Variants in ING5 observed in about 807,000 individuals in gnomAD.
ING5 encodes inhibitor of growth protein 5.
In ING5, 17 loss-of-function variants were observed where a neutral mutation model predicts 37.4. That is an observed-to-expected ratio of 0.45 (90% CI 0.31 to 0.68). The LOEUF is 0.68. Among genes scored for constraint, ING5 ranks in the 30% least tolerant of loss-of-function variants. ING5 has a pLI of 0.05. For missense variants in ING5, 233 were observed against 311.9 expected (o/e 0.75, Z 1.91); for synonymous variants, 123 against 116.6 (o/e 1.06, Z -0.36).
At chr2:241,720,146 C>T in intron 5 of ING5, 1 of 1,237,204 alleles carries the variant, frequency 8.1e-7, no homozygotes, top group Non-Finnish European at 1.0e-6. Flanking sequence ...GGACCCAAAG[C>T]CTGGCCTGCC....
At chr2:241,704,799 G>A (rs772406925) in intron 2 of ING5, 75 bp downstream of exon 2, 25 of 1,308,036 alleles carry the variant, frequency 1.9e-5, no homozygotes, top group African/African-American at 5.8e-5. Context: ...AAGGCTGGGG[G>A]CAGAGGGTTT....
Position 241,725,359 on chromosome 2 carries a change from C to A in ING5, c.*328C>A. 1 of 343,760 alleles carries A rather than the reference C, an allele frequency of 2.9e-6. No individual in the cohort carries two copies. Among genetic ancestry groups the A allele is most frequent in the East Asian group, 7.2e-5 (1 of 13,968 alleles). The allele number at this position is 343,760 out of a possible 1,614,324, so 21.3% of individuals were successfully genotyped here. A position where few individuals can be genotyped will look rare whatever the true frequency, so the allele number is the denominator to read the frequency against. ...CGGGCGGGGACATGGTAACCTGGTCCACGGAGGGCGGCCGCCACCCTCGCG... is the reference window on the plus strand; with the variant it reads ...CGGGCGGGGACATGGTAACCTGGTCAACGGAGGGCGGCCGCCACCCTCGCG... On this transcript the variant is annotated 3_prime_UTR_variant, in exon 8 of 8. Transcript: ENST00000313552.
chr2:241,720,858 C>G (rs963314987), intron 5 of ING5: 1 of 985,780 alleles, frequency 1.0e-6, no homozygotes, highest in African/African-American at 1.7e-5. Context: ...GCAGCACTCC[C>G]TGGCCACACG....
At chr2:241,692,095 A>G (rs2069565309) in intron 2 of ING5, among the ~76,000 whole-genome samples, 1 of 152,016 alleles carries the variant, frequency 6.6e-6, no homozygotes, top group Non-Finnish European at 1.5e-5. Context: ...AAAAACACAA[A>G]ATTAATCAAG....
In ING5 at chr2:241,711,985, G is replaced by T; in HGVS notation, c.396G>T (p.Arg132=). The T allele has an allele frequency of 6.2e-7, 1 of 1,604,404 alleles. No homozygotes were observed. Among genetic ancestry groups the T allele is most frequent in the Non-Finnish European group, 8.5e-7 (1 of 1,176,420 alleles). The change falls in exon 5 of 8, where the codon CGG becomes CGT. Residue 132 remains arginine (R), a synonymous_variant. Transcript: ENST00000313552. ...SSGGRGLKKG[R]GQKEKRGSRG... ...ATCTTGATTATTTTTCAGAAGGCCGGGGTCAGAAAGAAAAAAGAGGGTCCC... is the reference window on the plus strand; with the variant it reads ...ATCTTGATTATTTTTCAGAAGGCCGTGGTCAGAAAGAAAAAAGAGGGTCCC...
rs1184420934 is a variant in ING5, at chr2:241,712,086, C to T, written c.482+15C>T. On this transcript the variant is annotated intron_variant, in intron 5 of 7. Transcript: ENST00000313552. The stretch of plus-strand genomic sequence containing the variant: ...CACAAAGGAGGGTAAGAGGCTTTCC[C>T]CTCTTTTTCCCAAAAGAACGAATAC... 6.4e-7 allele frequency: 1 copy of T among 1,567,752 alleles called. No homozygotes were observed. The highest frequency in any genetic ancestry group is 1.9e-5 in the Admixed American group (1 of 51,590).
At chr2:241,706,236 C>T (rs1042289430) in intron 2 of ING5, among the ~76,000 whole-genome samples, 1 of 152,112 alleles carries the variant, frequency 6.6e-6, no homozygotes, top group Non-Finnish European at 1.5e-5. Flanking sequence ...AGTGTGGGAC[C>T]CTCTTCCCTG....
upstream of ING5, among the ~76,000 whole-genome samples, chr2:241,699,192 A>G (rs953477073): frequency 1.4e-5 from 2 of 142,204 alleles, no homozygotes; most frequent in Non-Finnish European, 3.1e-5. Context: ...CGCCTGGCTA[A>G]TTTTGTATTT....
rs1433471713 is a variant in ING5, at chr2:241,725,210, G to T, written c.*179G>T. The T allele has an allele frequency of 5.9e-6, 4 of 675,412 alleles. No individual in the cohort carries two copies. Among genetic ancestry groups the T allele is most frequent in the Admixed American group, 4.9e-5 (2 of 40,608 alleles). 41.8% of individuals were successfully genotyped at this position (675,412 alleles called of 1,614,324 possible). A position where few individuals can be genotyped will look rare whatever the true frequency, so the allele number is the denominator to read the frequency against. Reference sequence around the variant, plus strand: ...CCAAAGCCTGTTCGCACAGAAGGGCGACCTTGCAGGGACTCGCCGCCGCGA... The same window carrying T: ...CCAAAGCCTGTTCGCACAGAAGGGCTACCTTGCAGGGACTCGCCGCCGCGA... On this transcript the variant is annotated 3_prime_UTR_variant, in exon 8 of 8. Coordinates refer to ENST00000313552, the MANE Select transcript of ING5 (RefSeq NM_032329.6).
At chr2:241,688,563 A>T (rs2069491200) in intron 1 of ING5, among the ~76,000 whole-genome samples, 1 of 152,266 alleles carries the variant, frequency 6.6e-6, no homozygotes, top group East Asian at 1.9e-4. Context: ...GGGGTTCTGG[A>T]AGGATATGGG....
At chr2:241,692,737 C>T (rs1474121202) in intron 2 of ING5, among the ~76,000 whole-genome samples, 2 of 152,094 alleles carry the variant, frequency 1.3e-5, no homozygotes, top group South Asian at 2.1e-4. Context: ...GGCCAGTCAG[C>T]GACCCCCATT....
At chr2:241,718,522 T>C (rs562744505) in intron 5 of ING5, among the ~76,000 whole-genome samples, 1 of 151,076 alleles carries the variant, frequency 6.6e-6, no homozygotes, top group African/African-American at 2.4e-5. Context: ...GTTCAAGCGA[T>C]TCTCTGCCTC....
chr2:241,717,253 T>C (rs1309184895), intron 5 of ING5, among the ~76,000 whole-genome samples: 1 of 152,086 alleles, frequency 6.6e-6, no homozygotes, highest in Non-Finnish European at 1.5e-5. Context: ...GTATTTTTAG[T>C]AGAGATGGGG....
In ING5 at chr2:241,729,413, T is replaced by C. The variant is rs1183066039; in HGVS notation, c.*4382T>C. On this transcript the variant is annotated 3_prime_UTR_variant, in exon 8 of 8. Coordinates refer to ENST00000313552, the MANE Select transcript of ING5 (RefSeq NM_032329.6). ...TAGATAATGTAAAGATGTATATCAG[T>C]ATTTTTGGATCATGTTATAGATTAT... 6.5e-6 allele frequency: 1 copy of C among 152,678 alleles called. No homozygotes were observed. The highest frequency in any genetic ancestry group is 2.4e-5 in the African/African-American group (1 of 41,466). 9.5% of individuals were successfully genotyped at this position (152,678 alleles called of 1,614,324 possible).
rs112720193 is a variant in ING5, at chr2:241,695,159, A to G, written c.43+4506A>G. Among the ~76,000 whole-genome samples the G allele has an allele frequency of 3.6e-3, 543 of 151,754 alleles. 15 individuals are homozygous for G. Among genetic ancestry groups the G allele is most frequent in the African/African-American group, 0.012 (509 of 41,230 alleles). ...ATAGAATGTAGTGAGGTGATGTCTTAGGGCTACCAAAGTGAGGTCACAAGA... is the reference window on the plus strand; with the variant it reads ...ATAGAATGTAGTGAGGTGATGTCTTGGGGCTACCAAAGTGAGGTCACAAGA... On this transcript the variant is annotated intron_variant, in intron 2 of 7. Transcript: ENST00000636051.
chr2:241,724,830 T>C, intron 7 of ING5, 159 bp from the exon 8 acceptor site: 1 of 661,062 alleles, frequency 1.5e-6, no homozygotes, highest in South Asian at 1.8e-5. Context: ...ATCGGCGCAT[T>C]TTCCCTGCGG....
rs1406753966 is a variant in ING5, at chr2:241,702,064, A to G, written c.-2A>G. The G allele has an allele frequency of 3.6e-6, 5 of 1,386,640 alleles. No homozygotes were observed. Among genetic ancestry groups the G allele is most frequent in the Non-Finnish European group, 4.7e-6 (5 of 1,065,378 alleles). 85.9% of individuals were successfully genotyped at this position (1,386,640 alleles called of 1,614,324 possible). A position where few individuals can be genotyped will look rare whatever the true frequency, so the allele number is the denominator to read the frequency against. On this transcript the variant is annotated 5_prime_UTR_variant, in exon 1 of 8. Transcript: ENST00000313552. ...AGACCCCGAGCGCGGCCGCGGACGA[A>G]GATGGCGACCGCCATGTACTTGGAG...
At chr2:241,723,971 C>A in intron 7 of ING5, 1 of 1,264,626 alleles carries the variant, frequency 7.9e-7, no homozygotes, top group Non-Finnish European at 1.1e-6. Flanking sequence ...GATCGCGCCA[C>A]TGCACTCCAG....
intron 5 of ING5, among the ~76,000 whole-genome samples, chr2:241,714,696 C>G (rs2070215325): frequency 6.6e-6 from 1 of 151,966 alleles, no homozygotes; most frequent in Admixed American, 6.6e-5. Context: ...CTCCCTGTCC[C>G]CAGGCTCAAG....
Sources: gnomAD v4.1 joint callset for allele counts (sites outside exome capture counted in the v4.1 genomes callset) on GRCh38, gnomAD v4.1.1 for gene constraint, MANE v1.5 for transcripts, NCBI Gene and HGNC (gene_info 2026-07-23, HGNC 2026-07-21) for gene names.